POMGNT1: variants seen among roughly 807,000 people sequenced by gnomAD.
POMGNT1 encodes the protein protein O-linked-mannose beta-1,2-N-acetylglucosaminyltransferase 1.
In POMGNT1, 67 loss-of-function variants were observed where a neutral mutation model predicts 95.6. That is an observed-to-expected ratio of 0.70 (90% confidence interval 0.58 to 0.86). The LOEUF (loss-of-function observed/expected upper bound fraction) is 0.86, where lower values mean the gene tolerates loss of function less well. Ranked by LOEUF, POMGNT1 falls within the 40% of genes least tolerant of loss-of-function variation. The pLI, the probability that POMGNT1 is intolerant of heterozygous loss-of-function variation, is 0.00. For missense variants in POMGNT1, 719 were observed against 855.2 expected (o/e 0.84, Z 1.99); for synonymous variants, 298 against 317.9 (o/e 0.94, Z 0.66).
chr1:46,198,540 G>GGCGGCGGCGGCGGCA (rs1434009608), upstream of POMGNT1: 1 of 76,036 alleles, frequency 1.3e-5, no homozygotes, highest in South Asian at 4.3e-4. Flanking sequence ...CGGCGGCGGC[G>GGCGGCGGCGGCGGCA]GTGGCGGCAG....
intron 17 of POMGNT1, 166 bp downstream of exon 17, chr1:46,191,932 C>G: frequency 8.5e-7 from 1 of 1,180,096 alleles, no homozygotes; most frequent in Non-Finnish European, 1.2e-6. Flanking sequence ...CCGCGCCCAG[C>G]CCTTTATCCT....
intron 1 of POMGNT1, chr1:46,219,581 A>C: frequency 8.8e-7 from 1 of 1,138,274 alleles, no homozygotes; most frequent in Non-Finnish European, 1.2e-6. Flanking sequence ...AAGCCGTTAT[A>C]ATTCCATCCG....
chr1:46,195,708 C>T, intron 6 of POMGNT1, 103 bp downstream of exon 6: 1 of 1,076,682 alleles, frequency 9.3e-7, no homozygotes, highest in Non-Finnish European at 1.4e-6. Context: ...AACCTTCCTT[C>T]AGAGAATCTT....
Position 46,196,796 on chromosome 1 carries a change from G to T in POMGNT1, c.289C>A (p.Arg97=), listed in dbSNP as rs564076183. The T allele has an allele frequency of 6.2e-7, 1 of 1,614,206 alleles. No homozygotes were observed. Residue 97 remains arginine (R), a synonymous_variant, in exon 4 of 22, where the codon CGG becomes AGG. Coordinates refer to ENST00000371984, the MANE Select transcript of POMGNT1 (RefSeq NM_017739.4). This position sits in a 1 kb window ranked among gnomAD's most constrained non-coding sequence, Gnocchi z 4.4. ...GAATACACCTCTACGTCCAGGACCC[G>T]CCGGGGACCACTGCCTCTGCGCCGT... ...PPRRRGSGPR[R]VLDVEVYSSR...
chr1:46,220,045 G>A, exon 1 of POMGNT1: 1 of 1,614,254 alleles, frequency 6.2e-7, no homozygotes, highest in Non-Finnish European at 8.5e-7. Flanking sequence ...GAGAGGGCCA[G>A]GACTGAGGTG....
intron 1 of POMGNT1, among the ~76,000 whole-genome samples, chr1:46,215,411 A>G (rs1340402158): frequency 2.6e-5 from 4 of 152,218 alleles, no homozygotes; most frequent in Non-Finnish European, 4.4e-5. Flanking sequence ...GTCAGTTTCC[A>G]GATTGAAAAG....
rs1657534329 is a variant in POMGNT1 at position 46,189,063 on chromosome 1, C to T, written c.*207G>A. On this transcript the variant is annotated 3_prime_UTR_variant, in exon 22 of 22. Transcript: ENST00000371984. The stretch of plus-strand genomic sequence containing the variant: ...CAGGTACTCTCCTGCCCTTCTCCAA[C>T]AAGGAAGTAAATAAATAGACTTTTA... The T allele has an allele frequency of 2.0e-6, 3 of 1,525,770 alleles. No individual in the cohort carries two copies. Among genetic ancestry groups the T allele is most frequent in the Admixed American group, 2.1e-5 (1 of 47,532 alleles). 94.5% of individuals were successfully genotyped at this position (1,525,770 alleles called of 1,614,324 possible).
At position 46,192,604 on chromosome 1, in the gene POMGNT1, G is replaced by C; in HGVS notation, c.1212-14C>G. On this transcript the variant is annotated splice_polypyrimidine_tract_variant and intron_variant, in intron 14 of 21. Coordinates refer to ENST00000371984, the MANE Select transcript of POMGNT1 (RefSeq NM_017739.4). ...TGGCTCAGGAAACTGAGAGAGGCAG[G>C]GTCAAAGAGTTCAGGGAGGGACAAG... is the stretch of plus-strand genomic sequence containing the variant. 6.2e-7 allele frequency: 1 copy of C among 1,613,626 alleles called. No homozygotes were observed. The highest frequency in any genetic ancestry group is 8.5e-7 in the Non-Finnish European group (1 of 1,179,908).
At chr1:46,218,330 G>A (rs1051245449) in intron 1 of POMGNT1, among the ~76,000 whole-genome samples, 4 of 152,196 alleles carry the variant, frequency 2.6e-5, no homozygotes, top group Admixed American at 6.6e-5. Context: ...AGGCTGTAGT[G>A]AGCCATGACT....
chr1:46,219,661 C>G lies in POMGNT1; in HGVS notation c.-51+44G>C, dbSNP rs536716626. The G allele has an allele frequency of 1.3e-5, 20 of 1,534,432 alleles. No individual in the cohort carries two copies. The African/African-American group carries it at 1.5e-4, about 12-fold the overall frequency. On this transcript the variant is annotated intron_variant, in intron 1 of 22. Coordinates refer to the POMGNT1 transcript ENST00000371992. Reference sequence around the variant, plus strand: ...GTGGAAACGCTGGGGAAACCCATGCCCCAGAACTGGGACTAATTCCTTCTC... The same window carrying G: ...GTGGAAACGCTGGGGAAACCCATGCGCCAGAACTGGGACTAATTCCTTCTC...
intron 1 of POMGNT1, among the ~76,000 whole-genome samples, chr1:46,215,895 G>A (rs1486575050): frequency 1.3e-5 from 2 of 152,070 alleles, no homozygotes; most frequent in Non-Finnish European, 2.9e-5. Flanking sequence ...GTAAGACCCT[G>A]TCTCAAAAAT....
chr1:46,198,803 C>T (rs1658442782), upstream of POMGNT1, among the ~76,000 whole-genome samples: 1 of 152,204 alleles, frequency 6.6e-6, no homozygotes, highest in African/African-American at 2.4e-5. Context: ...TGGGCAAGGC[C>T]GTTACCTAGT....
At chr1:46,200,821 CAAAATCCAGAGTGATTTT>C (rs1306257766), upstream of POMGNT1, among the ~76,000 whole-genome samples, 1 of 152,228 alleles carries the variant, frequency 6.6e-6, no homozygotes, top group Non-Finnish European at 1.5e-5. Context: ...TTTCTCCTTG[CAAAATCCAGAGTGATTTT>C]CTTTAAGGCA....
upstream of POMGNT1, among the ~76,000 whole-genome samples, chr1:46,202,854 A>G (rs1243016904): frequency 7.9e-6 from 1 of 127,048 alleles, no homozygotes; most frequent in African/African-American, 2.9e-5. Flanking sequence ...GGACCTCTTC[A>G]GCTTCAGTAC....
chr1:46,212,281 ATTT>A (rs753914761), intron 1 of POMGNT1, among the ~76,000 whole-genome samples: 1 of 143,490 alleles, frequency 7.0e-6, no homozygotes, highest in Non-Finnish European at 1.5e-5. Context: ...AACCATGTAA[ATTT>A]TTTTTTTTTT....
chr1:46,199,060 G>C (rs1388452875), upstream of POMGNT1, among the ~76,000 whole-genome samples: 1 of 152,118 alleles, frequency 6.6e-6, no homozygotes, highest in African/African-American at 2.4e-5. Flanking sequence ...TCCTGCCTCA[G>C]CCTCCTGAGT....
At chr1:46,203,381 G>T (rs763647888), upstream of POMGNT1, 5 of 1,429,934 alleles carry the variant, frequency 3.5e-6, no homozygotes, top group Non-Finnish European at 4.6e-6. Flanking sequence ...CCCGGGAGCC[G>T]GTCCCCGGCG....
intron 1 of POMGNT1, among the ~76,000 whole-genome samples, chr1:46,211,762 A>AAT (rs139100494): frequency 4.0e-5 from 6 of 151,746 alleles, no homozygotes; most frequent in Admixed American, 6.6e-5. Flanking sequence ...TCAATGTACA[A>AAT]ATATATATAT....
chr1:46,194,988 C>G (rs774545505), intron 6 of POMGNT1, 27 bp from the exon 7 acceptor site: 6 of 1,609,492 alleles, frequency 3.7e-6, no homozygotes, highest in Non-Finnish European at 5.1e-6. Flanking sequence ...GGCAGTTAGC[C>G]TGACTGGCAT....
Sources: allele counts gnomAD v4.1 joint callset (sites outside exome capture counted in the v4.1 genomes callset), GRCh38; gene constraint gnomAD v4.1.1; non-coding constraint Gnocchi (gnomAD v3.1); transcripts MANE v1.5; gene names NCBI Gene and HGNC (gene_info 2026-07-23, HGNC 2026-07-21).